GRIN2B: variants seen among roughly 807,000 people sequenced by gnomAD.
GRIN2B encodes the protein glutamate receptor ionotropic, NMDA 2B.
Under a neutral mutation model 114.5 loss-of-function variants are expected in GRIN2B, and 5 were observed. The ratio of observed to expected loss-of-function variants is 0.04; its 90% CI spans 0.02 to 0.09. The LOEUF is 0.09. GRIN2B is among the 10% of genes least tolerant of loss of function. The pLI is 1.00. For missense variants in GRIN2B, 1,108 were observed against 1,943.5 expected, an observed-to-expected ratio of 0.57 and a Z score of 8.08; for synonymous variants, 787 against 745.1, an observed-to-expected ratio of 1.06 and a Z score of -0.92.
At chr12:13,677,440 C>T (rs1591671460) in intron 4 of GRIN2B, among the ~76,000 whole-genome samples, 1 of 152,136 alleles carries the variant, frequency 6.6e-6, no homozygotes, top group East Asian at 1.9e-4. Flanking sequence ...CTTCTCATTT[C>T]CAGAACTACC....
chr12:13,680,435 GTTGTGT>G (rs1189794585), intron 4 of GRIN2B, among the ~76,000 whole-genome samples: 1,520 of 116,448 alleles, frequency 0.013, 9 homozygotes, highest in African/African-American at 0.028. Flanking sequence ...TCCCATCAAG[GTTGTGT>G]GTGTGTGTGT....
rs56655864 is a variant in GRIN2B, at chr12:13,832,650, G to C, written c.411+33148C>G. On this transcript the variant is annotated intron_variant, in intron 3 of 13. Coordinates refer to ENST00000609686, the MANE Select transcript of GRIN2B (RefSeq NM_000834.5). ...TCATTATTATTCTCTTCTATAACATGATTTTTAATGGTTGCTTATCATCCA... is the reference window on the plus strand; with the variant it reads ...TCATTATTATTCTCTTCTATAACATCATTTTTAATGGTTGCTTATCATCCA... 8.4e-3 allele frequency among the ~76,000 whole-genome samples: 1,280 copies of C among 152,234 alleles called. 19 individuals carry two copies. The highest frequency in any genetic ancestry group is 0.03 in the African/African-American group (1,251 of 41,526).
At chr12:13,877,657 A>G (rs972922115) in intron 2 of GRIN2B, among the ~76,000 whole-genome samples, 3 of 152,178 alleles carry the variant, frequency 2.0e-5, no homozygotes, top group African/African-American at 4.8e-5. Context: ...TCTACCACTG[A>G]CAAGCCTGTG....
intron 3 of GRIN2B, among the ~76,000 whole-genome samples, chr12:13,760,709 C>G (rs1205741219): frequency 6.6e-6 from 1 of 152,092 alleles, no homozygotes; most frequent in African/African-American, 2.4e-5. Context: ...CCAGGGTTAC[C>G]CAGCTGTCCT....
intron 3 of GRIN2B, among the ~76,000 whole-genome samples, chr12:13,799,767 GA>G (rs1864474115): frequency 1.3e-5 from 2 of 152,038 alleles, no homozygotes; most frequent in Admixed American, 1.3e-4. Context: ...TTGTTTCTGA[GA>G]AAAATTGACT....
chr12:13,950,389 C>G (rs191395166), intron 2 of GRIN2B, among the ~76,000 whole-genome samples: 32 of 152,276 alleles, frequency 2.1e-4, no homozygotes, highest in Middle Eastern at 6.8e-3. Context: ...AGTTTGGTCA[C>G]TTATGGGCTA....
intron 4 of GRIN2B, among the ~76,000 whole-genome samples, chr12:13,733,197 T>C (rs1228277880): frequency 6.6e-6 from 1 of 152,062 alleles, no homozygotes; most frequent in African/African-American, 2.4e-5. Context: ...GAGGACAAGG[T>C]TTATGGGGGT....
chr12:13,805,395 A>C (rs1373720442), intron 3 of GRIN2B, among the ~76,000 whole-genome samples: 1 of 152,198 alleles, frequency 6.6e-6, no homozygotes, highest in East Asian at 1.9e-4. Flanking sequence ...TCAAAATTTC[A>C]AATAGTTATC....
intron 4 of GRIN2B, among the ~76,000 whole-genome samples, chr12:13,751,820 G>T (rs1379126213): frequency 6.6e-6 from 1 of 152,144 alleles, no homozygotes; most frequent in Non-Finnish European, 1.5e-5. Context: ...CCTTGGGAAT[G>T]GATGAGAAAG....
At chr12:13,571,307 T>A (rs1278438520) in intron 11 of GRIN2B, among the ~76,000 whole-genome samples, 1 of 152,186 alleles carries the variant, frequency 6.6e-6, no homozygotes, top group Non-Finnish European at 1.5e-5. Flanking sequence ...CATGAACTCC[T>A]ATGAATGGAC....
chr12:13,807,111 C>T (rs1864614963), intron 3 of GRIN2B, among the ~76,000 whole-genome samples: 1 of 152,110 alleles, frequency 6.6e-6, no homozygotes, highest in Admixed American at 6.6e-5. Flanking sequence ...GATTGCTTAG[C>T]CATTTCGTCT....
At chr12:13,876,345 C>T (rs1164699734) in intron 2 of GRIN2B, among the ~76,000 whole-genome samples, 1 of 152,146 alleles carries the variant, frequency 6.6e-6, no homozygotes, top group Non-Finnish European at 1.5e-5. Context: ...AATGCAGTTA[C>T]CTGATATTTA....
At chr12:13,579,756 G>T (rs562393903) in intron 10 of GRIN2B, among the ~76,000 whole-genome samples, 1 of 151,832 alleles carries the variant, frequency 6.6e-6, no homozygotes, top group Non-Finnish European at 1.5e-5. Flanking sequence ...TGAGGGTATG[G>T]GTGCTACAGT....
At chr12:13,632,730 T>C (rs938204531) in intron 5 of GRIN2B, among the ~76,000 whole-genome samples, 3 of 152,012 alleles carry the variant, frequency 2.0e-5, no homozygotes, top group Non-Finnish European at 4.4e-5. Flanking sequence ...GTAGACAAGG[T>C]GGGATTCCAC....
At chr12:13,695,975 G>C (rs1286292233) in intron 4 of GRIN2B, among the ~76,000 whole-genome samples, 1 of 152,154 alleles carries the variant, frequency 6.6e-6, no homozygotes, top group Non-Finnish European at 1.5e-5. Flanking sequence ...TGACTGCAGG[G>C]AGAATAAGTA....
intron 4 of GRIN2B, among the ~76,000 whole-genome samples, chr12:13,705,809 T>G (rs1950354396): frequency 6.6e-6 from 1 of 152,156 alleles, no homozygotes; most frequent in African/African-American, 2.4e-5. Context: ...ATAAACCCTT[T>G]GATGAACAGT....
chr12:13,886,987 A>C (rs548065921), intron 2 of GRIN2B, among the ~76,000 whole-genome samples: 2 of 152,350 alleles, frequency 1.3e-5, no homozygotes, highest in South Asian at 4.1e-4. Flanking sequence ...ACTGAAGTAC[A>C]GAAAATTCAA....
chr12:13,539,351 T>C lies in GRIN2B; in HGVS notation c.*23432A>G, dbSNP rs1342855616. 1 of 152,212 alleles carries C rather than the reference T, an allele frequency of 6.6e-6. No homozygotes were observed. The highest frequency in any genetic ancestry group is 1.5e-5 in the Non-Finnish European group (1 of 68,040). 9.4% of individuals were successfully genotyped at this position (152,212 alleles called of 1,614,324 possible). ...AGGACTATAGGAGGAGCATGTGGCT[T>C]TTAATAAAGTGATGTTGAAATGTGC... On this transcript the variant is annotated 3_prime_UTR_variant, in exon 14 of 14. Transcript: ENST00000609686.
intron 5 of GRIN2B, among the ~76,000 whole-genome samples, chr12:13,660,386 T>C (rs1220931530): frequency 1.3e-5 from 2 of 152,164 alleles, no homozygotes; most frequent in Non-Finnish European, 2.9e-5. Context: ...CTATTTACCT[T>C]TATATTTTCC....
Sources: allele counts gnomAD v4.1 joint callset (sites outside exome capture counted in the v4.1 genomes callset), GRCh38; gene constraint gnomAD v4.1.1; transcripts MANE v1.5; gene names NCBI Gene and HGNC (gene_info 2026-07-23, HGNC 2026-07-21).